The following SCLT1 variants were observed in gnomAD, a reference collection of about 807,000 sequenced individuals.
The protein encoded by SCLT1 is sodium channel and clathrin linker 1.
A neutral mutation model predicts 112.8 loss-of-function variants in SCLT1; 78 were observed. That is an observed-to-expected ratio of 0.69 (90% confidence interval 0.58 to 0.83). SCLT1 has a LOEUF of 0.83. Among genes scored for constraint, SCLT1 ranks in the 40% least tolerant of loss-of-function variants. The probability of loss-of-function intolerance (pLI) is 0.00; values close to 1 mark genes in which losing one functional copy is unlikely to be tolerated. For synonymous variants in SCLT1, 257 were observed against 254.7 expected (o/e 1.01, Z -0.09); for missense variants, 747 against 770.4 (o/e 0.97, Z 0.36).
chr4:129,012,788 T>TC (rs1215851335), intron 5 of SCLT1, among the ~76,000 whole-genome samples: 1 of 150,436 alleles, frequency 6.6e-6, no homozygotes, highest in East Asian at 1.9e-4. Context: ...TGCCATTTCT[T>TC]TTTTTTTTTT....
At chr4:128,990,800 GA>G (rs538436736) in intron 9 of SCLT1, among the ~76,000 whole-genome samples, 10 of 140,848 alleles carry the variant, frequency 7.1e-5, no homozygotes, top group Admixed American at 4.3e-4. Context: ...TGAACAGTCT[GA>G]AAAAAAAAAC....
intron 2 of SCLT1, among the ~76,000 whole-genome samples, chr4:129,057,981 T>G (rs1227294681): frequency 1.3e-5 from 2 of 152,102 alleles, no homozygotes; most frequent in East Asian, 3.9e-4. Flanking sequence ...TGAACTGGCA[T>G]CAGGTGATCC....
At chr4:129,046,556 C>A (rs1468634828) in intron 2 of SCLT1, among the ~76,000 whole-genome samples, 1 of 151,940 alleles carries the variant, frequency 6.6e-6, no homozygotes. Flanking sequence ...TACAAGTATG[C>A]CACAATATAT....
chr4:128,992,796 C>G (rs1299883201), intron 8 of SCLT1, among the ~76,000 whole-genome samples: 1 of 151,942 alleles, frequency 6.6e-6, no homozygotes, highest in African/African-American at 2.4e-5. Flanking sequence ...ATAAATGACA[C>G]GTTTTGGAAC....
intron 18 of SCLT1, among the ~76,000 whole-genome samples, chr4:128,894,723 G>A (rs1327947570): frequency 4.0e-5 from 6 of 151,492 alleles, no homozygotes; most frequent in East Asian, 1.9e-4. Context: ...GTGTCTCCCC[G>A]GCTTGAGTGC....
intron 5 of SCLT1, among the ~76,000 whole-genome samples, chr4:129,017,599 A>G (rs890558386): frequency 1.3e-5 from 2 of 152,174 alleles, no homozygotes; most frequent in Admixed American, 6.5e-5. Context: ...AGCTCAACAA[A>G]TATCTAAAAA....
intron 18 of SCLT1, among the ~76,000 whole-genome samples, chr4:128,914,120 CT>C (rs1478003589): frequency 1.3e-5 from 2 of 152,122 alleles, no homozygotes; most frequent in Non-Finnish European, 2.9e-5. Flanking sequence ...AATCCCAGCA[CT>C]TTGGGAGGCC....
At chr4:129,079,872 C>T (rs372376602) in intron 2 of SCLT1, among the ~76,000 whole-genome samples, 1 of 152,258 alleles carries the variant, frequency 6.6e-6, no homozygotes, top group African/African-American at 2.4e-5. Context: ...GAAATCCAGG[C>T]AGAAGCTCCC....
chr4:129,043,507 T>C (rs1166307168), intron 3 of SCLT1, 40 bp from the exon 4 acceptor site: 1 of 881,066 alleles, frequency 1.1e-6, no homozygotes. Context: ...TTCTGTTCCA[T>C]CTAGTTTAAT....
chr4:128,888,766 C>A lies in SCLT1; in HGVS notation c.1917G>T (p.Lys639Asn). The A allele has an allele frequency of 6.3e-7, 1 of 1,598,326 alleles. No individual in the cohort carries two copies. Among genetic ancestry groups the A allele is most frequent in the Non-Finnish European group, 8.6e-7 (1 of 1,166,320 alleles). Residue 639 changes from lysine to asparagine, a missense_variant, in exon 20 of 21, where the codon AAG becomes AAT. By Grantham distance (94) the Lys-to-Asn change is moderately conservative (BLOSUM62 0). Coordinates refer to ENST00000281142, the MANE Select transcript of SCLT1 (RefSeq NM_144643.4). Reference sequence around the variant, plus strand: ...CTTTTTCTTGATGCTCTAGAATTAGCTTTTCATTCTATTAAGGGGAAATAG... The same window carrying A: ...CTTTTTCTTGATGCTCTAGAATTAGATTTTCATTCTATTAAGGGGAAATAG... ...MANEKVAENE[K>N]LILEHQEKAN...
chr4:128,874,508 TAAAA>T (rs3836574), intron 4 of SCLT1: 1 of 151,606 alleles, frequency 6.6e-6, no homozygotes, highest in Non-Finnish European at 1.5e-5. Flanking sequence ...CAAAAAATAT[TAAAA>T]AAAACCCACA....
chr4:129,078,956 A>G (rs1179027948), intron 2 of SCLT1, among the ~76,000 whole-genome samples: 1 of 152,132 alleles, frequency 6.6e-6, no homozygotes, highest in African/African-American at 2.4e-5. Flanking sequence ...ATCTTACATG[A>G]CTGGAGCAGG....
At chr4:128,948,470 T>C (rs1436290307) in intron 15 of SCLT1, 26 bp downstream of exon 15, 1 of 1,599,804 alleles carries the variant, frequency 6.3e-7, no homozygotes, top group Admixed American at 1.7e-5. Context: ...GGGTTTTAGG[T>C]AGTTATATTT....
At chr4:128,968,995 A>C (rs958255531) in intron 10 of SCLT1, among the ~76,000 whole-genome samples, 1 of 152,254 alleles carries the variant, frequency 6.6e-6, no homozygotes, top group African/African-American at 2.4e-5. Context: ...TCAAACAATA[A>C]GGAAGTCTTC....
chr4:128,907,508 T>C (rs1330278273), intron 18 of SCLT1, among the ~76,000 whole-genome samples: 2 of 152,128 alleles, frequency 1.3e-5, no homozygotes. Context: ...TAGATGATAT[T>C]ACCATTCACA....
chr4:128,874,009 G>C lies in SCLT1; in HGVS notation n.407+406C>G, dbSNP rs546501945. 2 of 152,734 alleles carry C rather than the reference G, an allele frequency of 1.3e-5. 1 individual carries two copies. Among genetic ancestry groups the C allele is most frequent in the South Asian group, 4.1e-4 (2 of 4,830 alleles). The allele number at this position is 152,734 out of a possible 1,614,324, so 9.5% of individuals were successfully genotyped here. ...ACATTTTAGTAGCTAATTCAGGGGAGGGGGAAGAATGATGCAGGTTTTTAG... is the reference window on the plus strand; with the variant it reads ...ACATTTTAGTAGCTAATTCAGGGGACGGGGAAGAATGATGCAGGTTTTTAG... On this transcript the variant is annotated intron_variant and non_coding_transcript_variant, in intron 5 of 7. Coordinates refer to the SCLT1 transcript ENST00000503565.
intron 2 of SCLT1, among the ~76,000 whole-genome samples, chr4:129,081,796 T>A (rs1751962490): frequency 6.6e-6 from 1 of 152,210 alleles, no homozygotes; most frequent in Admixed American, 6.5e-5. Context: ...TCTTATTTGC[T>A]TCTATAGAGA....
chr4:129,069,696 G>A (rs1324591772), intron 2 of SCLT1, among the ~76,000 whole-genome samples: 1 of 152,122 alleles, frequency 6.6e-6, no homozygotes, highest in African/African-American at 2.4e-5. Context: ...CATATCATCA[G>A]CAAACAGTGA....
intron 8 of SCLT1, 123 bp from the exon 9 acceptor site, chr4:128,992,360 T>C (rs560252890): frequency 9.1e-5 from 55 of 603,150 alleles, no homozygotes; most frequent in Non-Finnish European, 1.5e-4. Context: ...ATTAGATTTT[T>C]TGAGGGTAAA....
Sources: gnomAD v4.1 joint callset for allele counts (sites outside exome capture counted in the v4.1 genomes callset) on GRCh38, gnomAD v4.1.1 for gene constraint, MANE v1.5 for transcripts, NCBI Gene and HGNC (gene_info 2026-07-23, HGNC 2026-07-21) for gene names.